The following MGAT4C variants were observed in gnomAD, a reference collection of about 807,000 sequenced individuals.
The protein encoded by MGAT4C is MGAT4 family member C.
A neutral mutation model predicts 40.1 loss-of-function variants in MGAT4C; 19 were observed. The ratio of observed to expected loss-of-function variants is 0.47; its 90% CI spans 0.33 to 0.70. The LOEUF (loss-of-function observed/expected upper bound fraction) is 0.70, where lower values mean the gene tolerates loss of function less well. MGAT4C is among the 30% of genes least tolerant of loss of function. MGAT4C has a pLI of 0.02. For missense variants in MGAT4C, 491 were observed against 563.2 expected, an observed-to-expected ratio of 0.87 and a Z score of 1.30; for synonymous variants, 181 against 187.1, an observed-to-expected ratio of 0.97 and a Z score of 0.27.
intron 2 of MGAT4C, among the ~76,000 whole-genome samples, chr12:86,602,227 A>G (rs982550697): frequency 6.6e-6 from 1 of 152,132 alleles, no homozygotes. Flanking sequence ...CTGCCGGGCC[A>G]AGTGGGTGAA....
intron 1 of MGAT4C, among the ~76,000 whole-genome samples, chr12:86,072,335 GT>G (rs979272544): frequency 4.7e-5 from 7 of 150,240 alleles, no homozygotes; most frequent in East Asian, 2.0e-4. Flanking sequence ...TTTGTTAGCT[GT>G]TTTTTTTTCC....
chr12:86,551,758 G>A (rs1171987225), intron 2 of MGAT4C, among the ~76,000 whole-genome samples: 1 of 152,062 alleles, frequency 6.6e-6, no homozygotes, highest in Non-Finnish European at 1.5e-5. Context: ...GCAACACCAG[G>A]CAAAGCTGCA....
chr12:86,674,235 G>C (rs916897557), intron 2 of MGAT4C, among the ~76,000 whole-genome samples: 3 of 152,030 alleles, frequency 2.0e-5, no homozygotes, highest in African/African-American at 7.2e-5. Flanking sequence ...CAATGATCTA[G>C]ATTATATTTT....
intron 1 of MGAT4C, among the ~76,000 whole-genome samples, chr12:86,219,171 T>C (rs1255316247): frequency 6.6e-6 from 1 of 151,790 alleles, no homozygotes; most frequent in Non-Finnish European, 1.5e-5. Flanking sequence ...AGAGTGAGAC[T>C]CCATCTCAAA....
At chr12:86,413,410 T>C (rs1315018528) in intron 3 of MGAT4C, among the ~76,000 whole-genome samples, 1 of 152,180 alleles carries the variant, frequency 6.6e-6, no homozygotes, top group East Asian at 1.9e-4. Flanking sequence ...ATATGGGACT[T>C]TGAAACTCAG....
chr12:86,261,404 T>C (rs1354162878), intron 4 of MGAT4C, among the ~76,000 whole-genome samples: 1 of 152,030 alleles, frequency 6.6e-6, no homozygotes, highest in Non-Finnish European at 1.5e-5. Context: ...TTAAATAAAA[T>C]ATACCAGACC....
At chr12:86,195,492 A>C (rs2135916080) in intron 1 of MGAT4C, among the ~76,000 whole-genome samples, 1 of 152,314 alleles carries the variant, frequency 6.6e-6, no homozygotes, top group South Asian at 2.1e-4. Context: ...CAAGCTTTCA[A>C]TTCTTTGCAT....
In MGAT4C at chr12:86,797,473, A is replaced by G. The variant is rs552114287; in HGVS notation, c.-262+41193T>C. On this transcript the variant is annotated intron_variant, in intron 1 of 7. Transcript: ENST00000548651. ...AAACATATGAAAGTCAATAATTGCCAAATGTAACAGATATTTTTTTTCAAT... is the reference window on the plus strand; with the variant it reads ...AAACATATGAAAGTCAATAATTGCCGAATGTAACAGATATTTTTTTTCAAT... 6.2e-4 allele frequency among the ~76,000 whole-genome samples: 94 copies of G among 151,882 alleles called. 1 individual carries two copies. The highest frequency in any genetic ancestry group is 6.6e-4 in the Admixed American group (10 of 15,190).
intron 2 of MGAT4C, among the ~76,000 whole-genome samples, chr12:85,990,231 C>T (rs936617065): frequency 6.6e-6 from 1 of 152,022 alleles, no homozygotes; most frequent in African/African-American, 2.4e-5. Flanking sequence ...TCATGTACTA[C>T]ACAAAGGCAA....
intron 2 of MGAT4C, among the ~76,000 whole-genome samples, chr12:86,638,557 C>T (rs926046168): frequency 1.7e-4 from 26 of 151,708 alleles, no homozygotes; most frequent in African/African-American, 4.8e-4. Context: ...ATTCTCTATG[C>T]TTTTTATATA....
intron 1 of MGAT4C, among the ~76,000 whole-genome samples, chr12:86,755,091 T>C (rs960601964): frequency 2.0e-5 from 3 of 152,176 alleles, no homozygotes; most frequent in Admixed American, 6.6e-5. Context: ...GGCTAAAACC[T>C]ACAATCAGTT....
At chr12:86,281,081 T>G (rs1269208526) in intron 4 of MGAT4C, among the ~76,000 whole-genome samples, 1 of 152,094 alleles carries the variant, frequency 6.6e-6, no homozygotes, top group East Asian at 1.9e-4. Context: ...TATCCTATCT[T>G]CTTTTTGGTT....
chr12:86,235,081 T>G lies in MGAT4C; in HGVS notation c.-57+21158A>C, dbSNP rs925314719. On this transcript the variant is annotated intron_variant, in intron 1 of 4. Coordinates refer to ENST00000611864, the MANE Select transcript of MGAT4C (RefSeq NM_001351288.2). Reference sequence around the variant, plus strand: ...ATAAAACAAACAAAACCTCTCTTATTCCATTGCTGGGTTAGTTCATACATC... The same window carrying G: ...ATAAAACAAACAAAACCTCTCTTATGCCATTGCTGGGTTAGTTCATACATC... Among the ~76,000 whole-genome samples, 10 of 152,178 alleles carry G rather than the reference T, an allele frequency of 6.6e-5. No individual in the cohort carries two copies. In the East Asian group the frequency reaches 1.9e-3, roughly 29 times the overall value.
intron 1 of MGAT4C, among the ~76,000 whole-genome samples, chr12:86,209,078 G>A (rs1000614705): frequency 6.6e-6 from 1 of 151,986 alleles, no homozygotes; most frequent in African/African-American, 2.4e-5. Flanking sequence ...TGCATTAATA[G>A]ATTTTCCTTA....
chr12:86,175,795 C>CAAAAAAAA (rs61441239), intron 1 of MGAT4C, among the ~76,000 whole-genome samples: 4 of 83,668 alleles, frequency 4.8e-5, no homozygotes, highest in African/African-American at 1.5e-4. Flanking sequence ...ACTAAAAATA[C>CAAAAAAAA]AAAAAAAAAA....
intron 2 of MGAT4C, among the ~76,000 whole-genome samples, chr12:86,696,843 G>A (rs1247493742): frequency 6.6e-6 from 1 of 151,914 alleles, no homozygotes; most frequent in Non-Finnish European, 1.5e-5. Flanking sequence ...CTTTTAGTGT[G>A]AAGACAAAAT....
chr12:86,639,593 G>A (rs1315406140), intron 2 of MGAT4C, among the ~76,000 whole-genome samples: 7 of 151,624 alleles, frequency 4.6e-5, no homozygotes, highest in African/African-American at 1.7e-4. Flanking sequence ...AAGTGTCTAA[G>A]TTCTTTGATT....
chr12:86,327,207 A>G (rs1954548642), intron 4 of MGAT4C, among the ~76,000 whole-genome samples: 1 of 152,088 alleles, frequency 6.6e-6, no homozygotes, highest in African/African-American at 2.4e-5. Context: ...CCAGCACTAT[A>G]TTATAGTCCT....
At position 86,397,195 on chromosome 12, in the gene MGAT4C, GT is replaced by G. The variant is rs1482649630; in HGVS notation, c.-120+37961del. On this transcript the variant is annotated intron_variant, in intron 3 of 7. Transcript: ENST00000548651. ...GAATTTTATGGAGAGCAGAAAATGA[GT>G]TTTTTTCCTTATATTCCAAGCAACC... is the stretch of plus-strand genomic sequence containing the variant. Among the ~76,000 whole-genome samples the G allele has an allele frequency of 2.0e-5, 3 of 151,986 alleles. No homozygotes were observed. The East Asian group carries it at 5.8e-4, about 29-fold the overall frequency.
Sources: gnomAD v4.1 joint callset for allele counts (sites outside exome capture counted in the v4.1 genomes callset) on GRCh38, gnomAD v4.1.1 for gene constraint, MANE v1.5 for transcripts, NCBI Gene and HGNC (gene_info 2026-07-23, HGNC 2026-07-21) for gene names.